Variants in DIS3 observed in about 807,000 individuals in gnomAD.
The protein encoded by DIS3 is exosome complex exonuclease RRP44.
A neutral mutation model predicts 113.0 loss-of-function variants in DIS3; 103 were observed. The observed-to-expected ratio is 0.91, with a 90% CI of 0.78 to 1.07. DIS3 has a LOEUF of 1.07. DIS3 is among the 50% of genes least tolerant of loss of function. The probability of loss-of-function intolerance (pLI) is 0.00; values close to 1 mark genes in which losing one functional copy is unlikely to be tolerated. For missense variants in DIS3, 1,121 were observed against 1,167.1 expected (o/e 0.96, Z 0.58); for synonymous variants, 402 against 394.3 (o/e 1.02, Z -0.23).
At chr13:72,770,415 C>T (rs1426175861) in intron 13 of DIS3, among the ~76,000 whole-genome samples, 1 of 152,250 alleles carries the variant, frequency 6.6e-6, no homozygotes, top group East Asian at 1.9e-4. Context: ...TGTCTGTATC[C>T]ACTTTACATG....
At chr13:72,764,242 C>T (rs957367780) in intron 15 of DIS3, among the ~76,000 whole-genome samples, 2 of 152,178 alleles carry the variant, frequency 1.3e-5, no homozygotes, top group South Asian at 2.1e-4. Context: ...CTTGATTTTA[C>T]CAGGTCCAAA....
chr13:72,781,239 T>A, intron 1 of DIS3: 1 of 1,540,638 alleles, frequency 6.5e-7, no homozygotes, highest in Non-Finnish European at 8.8e-7. Flanking sequence ...TTAAGGGTAT[T>A]AATAAAGGAA....
rs1427189051 is a variant in DIS3, at chr13:72,755,107, G to C, written c.*4688C>G. Reference sequence around the variant, plus strand: ...GTCCCGATAATTGCATCCTCCAGTGGTCCTACTTAAACTGAAAACAAGGTA... The same window carrying C: ...GTCCCGATAATTGCATCCTCCAGTGCTCCTACTTAAACTGAAAACAAGGTA... On this transcript the variant is annotated 3_prime_UTR_variant, in exon 21 of 21. Coordinates refer to ENST00000377767, the MANE Select transcript of DIS3 (RefSeq NM_014953.5). 6.5e-7 allele frequency: 1 copy of C among 1,545,692 alleles called. No homozygotes were observed. Among genetic ancestry groups the C allele is most frequent in the East Asian group, 2.2e-5 (1 of 44,532 alleles).
rs116754565 is a variant in DIS3, at chr13:72,766,333, T to C, written c.1884-275A>G. Among the ~76,000 whole-genome samples, 809 of 152,288 alleles carry C rather than the reference T, an allele frequency of 5.3e-3. 15 individuals carry two copies. Among genetic ancestry groups the C allele is most frequent in the African/African-American group, 0.018 (758 of 41,556 alleles). On this transcript the variant is annotated intron_variant, in intron 14 of 20. Transcript: ENST00000377767. The stretch of plus-strand genomic sequence containing the variant: ...TCCCTGTGCTTCTGAGGGTTATATC[T>C]TCTGTACCCAAACGATGAGTTTTTA...
intron 11 of DIS3, 23 bp downstream of exon 11, chr13:72,771,772 A>G: frequency 6.2e-7 from 1 of 1,607,222 alleles, no homozygotes; most frequent in Non-Finnish European, 8.5e-7. Context: ...TGACTGTTAA[A>G]TTTTTAAATT....
chr13:72,777,310 T>C, intron 4 of DIS3, 110 bp downstream of exon 4: 1 of 1,004,644 alleles, frequency 1.0e-6, no homozygotes, highest in South Asian at 1.5e-5. Context: ...CTATTCCAAA[T>C]CCAGCTTACC....
intron 6 of DIS3, among the ~76,000 whole-genome samples, chr13:72,774,349 CATG>C (rs932685479): frequency 3.9e-5 from 6 of 152,132 alleles, no homozygotes; most frequent in African/African-American, 1.4e-4. Flanking sequence ...TCAGGATTAA[CATG>C]AGGATTTACT....
rs775442772 is a variant in DIS3 at position 72,771,067 on chromosome 13, C to T, written c.1670+14G>A. The T allele has an allele frequency of 2.5e-6, 4 of 1,611,800 alleles. No homozygotes were observed. Among genetic ancestry groups the T allele is most frequent in the East Asian group, 2.2e-5 (1 of 44,750 alleles). ...ATACAATGTCTTCAAGGAAAAAAAA[C>T]CATGCAGAAATACCTGTCCACGTCA... On this transcript the variant is annotated intron_variant, in intron 12 of 20. Coordinates refer to ENST00000377767, the MANE Select transcript of DIS3 (RefSeq NM_014953.5).
chr13:72,753,427 G>T lies in DIS3; in HGVS notation c.*6368C>A, dbSNP rs1030081589. 7.3e-6 allele frequency: 2 copies of T among 275,390 alleles called. No homozygotes were observed. Among genetic ancestry groups the T allele is most frequent in the African/African-American group, 2.2e-5 (1 of 45,270 alleles). The allele number at this position is 275,390 out of a possible 1,614,324, so 17.1% of individuals were successfully genotyped here. A position where few individuals can be genotyped will look rare whatever the true frequency, so the allele number is the denominator to read the frequency against. ...GATCACAAAATAACAGGAAAGCATTGTGTCAGTAGGCTGTTCACTGATTCT... is the reference window on the plus strand; with the variant it reads ...GATCACAAAATAACAGGAAAGCATTTTGTCAGTAGGCTGTTCACTGATTCT... On this transcript the variant is annotated 3_prime_UTR_variant, in exon 21 of 21. Coordinates refer to ENST00000377767, the MANE Select transcript of DIS3 (RefSeq NM_014953.5).
intron 10 of DIS3, 100 bp from the exon 11 acceptor site, chr13:72,771,996 C>T: frequency 7.4e-7 from 1 of 1,347,500 alleles, no homozygotes; most frequent in Non-Finnish European, 1.0e-6. Flanking sequence ...TTAAAAAAGA[C>T]TCAGTCACCT....
At chr13:72,772,044 C>A in intron 10 of DIS3, 115 bp downstream of exon 10, 1 of 1,194,430 alleles carries the variant, frequency 8.4e-7, no homozygotes, top group Non-Finnish European at 1.2e-6. Context: ...CAATAGCGTG[C>A]AGCTACAATT....
intron 16 of DIS3, 106 bp downstream of exon 16, chr13:72,763,345 G>T: frequency 7.7e-7 from 1 of 1,302,922 alleles, no homozygotes; most frequent in East Asian, 2.6e-5. Flanking sequence ...GCATATTCTT[G>T]TATTAACAAA....
intron 14 of DIS3, among the ~76,000 whole-genome samples, chr13:72,768,506 T>C (rs1047382126): frequency 6.6e-6 from 1 of 152,084 alleles, no homozygotes; most frequent in South Asian, 2.1e-4. Flanking sequence ...AAAAATTAGC[T>C]GGGCGTGGTG....
At chr13:72,776,959 G>A (rs1287074162) in intron 4 of DIS3, among the ~76,000 whole-genome samples, 1 of 152,152 alleles carries the variant, frequency 6.6e-6, no homozygotes, top group Non-Finnish European at 1.5e-5. Context: ...ATAAGGAAGG[G>A]ATCTCAGAAT....
rs767531111 is a variant in DIS3 at position 72,761,759 on chromosome 13, T to G, written c.2398A>C (p.Thr800Pro). ...TGTTTGTCTGTCAACTCTGGATAAGTACAGTCAGCCCCAATAGCCACAGCC... is the reference window on the plus strand; with the variant it reads ...TGTTTGTCTGTCAACTCTGGATAAGGACAGTCAGCCCCAATAGCCACAGCC... ...LLAVAIGADC[T>P]YPELTDKHKL... is the part of the protein sequence containing the mutation. The change falls in exon 18 of 21, where the codon ACT becomes CCT. Residue 800 changes from threonine (T) to proline (P), a missense_variant. Around this residue, in one of 3 missense-constraint regions of DIS3, gnomAD observed 861 missense variants for 915.5 expected, o/e 0.94. Transcript: ENST00000377767. The G allele has an allele frequency of 1.9e-6, 3 of 1,613,758 alleles. No homozygotes were observed. Among genetic ancestry groups the G allele is most frequent in the Admixed American group, 3.3e-5 (2 of 59,926 alleles).
At chr13:72,762,366 T>C (rs1250121814) in intron 16 of DIS3, among the ~76,000 whole-genome samples, 1 of 152,204 alleles carries the variant, frequency 6.6e-6, no homozygotes, top group African/African-American at 2.4e-5. Flanking sequence ...CCTAGGGAGA[T>C]GAGTCAAATA....
Position 72,766,041 on chromosome 13 carries a change from G to C in DIS3, c.1901C>G (p.Ser634Cys). ...RIEKGALTLSSPEVRFHMDSE... is the reference protein window; with the variant it reads ...RIEKGALTLSCPEVRFHMDSE... The stretch of plus-strand genomic sequence containing the variant: ...GTCCATGTGGAATCGAACTTCAGGA[G>C]AGGATAGAGTCAAAGCCCTACATAA... Residue 634 changes from serine to cysteine, a missense_variant, in exon 15 of 21, where the codon TCT becomes TGT. This residue lies in a region of DIS3 where 861 missense variants were observed against 915.5 expected (regional missense o/e 0.94). Transcript: ENST00000377767. The C allele has an allele frequency of 6.2e-7, 1 of 1,611,480 alleles. No homozygotes were observed. Among genetic ancestry groups the C allele is most frequent in the Non-Finnish European group, 8.5e-7 (1 of 1,178,694 alleles).
chr13:72,761,584 A>G (rs1349315505), intron 18 of DIS3, 62 bp downstream of exon 18: 14 of 1,526,252 alleles, frequency 9.2e-6, no homozygotes, highest in Non-Finnish European at 1.2e-5. Flanking sequence ...CAAAAAATTG[A>G]AATTAAATTA....
chr13:72,759,452 TTAAA>T lies in DIS3; in HGVS notation c.*339_*342del, dbSNP rs1269923206. The T allele has an allele frequency of 4.3e-6, 1 of 234,912 alleles. No individual in the cohort carries two copies. The highest frequency in any genetic ancestry group is 2.2e-5 in the African/African-American group (1 of 45,252). 14.6% of individuals were successfully genotyped at this position (234,912 alleles called of 1,614,324 possible). On this transcript the variant is annotated 3_prime_UTR_variant, in exon 21 of 21. Transcript: ENST00000377767. ...AAATGAAAGTTTTTTCTTACAAATA[TTAAA>T]TAATCAAAGTACTTACGCAAAATTA... is the stretch of plus-strand genomic sequence containing the variant.
Sources: gnomAD v4.1 joint callset for allele counts (sites outside exome capture counted in the v4.1 genomes callset) on GRCh38, gnomAD v4.1.1 for gene constraint, gnomAD v4.1.1 regional missense constraint, MANE v1.5 for transcripts, NCBI Gene and HGNC (gene_info 2026-07-23, HGNC 2026-07-21) for gene names.